The following PNPLA1 variants were observed in gnomAD, a reference collection of about 807,000 sequenced individuals.
PNPLA1 encodes patatin like domain 1, omega-hydroxyceramide transacylase, also known as omega-hydroxyceramide transacylase.
Under a neutral mutation model 51.7 loss-of-function variants are expected in PNPLA1, and 36 were observed. The ratio of observed to expected loss-of-function variants is 0.70; its 90% CI spans 0.53 to 0.92. PNPLA1 has a LOEUF of 0.92. Among genes scored for constraint, PNPLA1 ranks in the 40% least tolerant of loss-of-function variants. The probability of loss-of-function intolerance (pLI) is 0.00; values close to 1 mark genes in which losing one functional copy is unlikely to be tolerated. For missense variants in PNPLA1, 658 were observed against 682.5 expected (o/e 0.96, Z 0.40); for synonymous variants, 293 against 280.1 (o/e 1.05, Z -0.46).
intron 2 of PNPLA1, among the ~76,000 whole-genome samples, chr6:36,292,856 C>T (rs370202845): frequency 1.3e-5 from 2 of 152,322 alleles, no homozygotes; most frequent in South Asian, 2.1e-4. Flanking sequence ...ACATCAGGGC[C>T]AGATGGACCA....
intron 1 of PNPLA1, among the ~76,000 whole-genome samples, chr6:36,280,327 C>G (rs192783174): frequency 1.3e-5 from 2 of 152,152 alleles, no homozygotes; most frequent in East Asian, 3.8e-4. Context: ...TGTGTGGCCC[C>G]GGCAGTGGAA....
chr6:36,249,302 T>G (rs774757536), intron 1 of PNPLA1, among the ~76,000 whole-genome samples: 5 of 152,152 alleles, frequency 3.3e-5, no homozygotes, highest in Non-Finnish European at 7.3e-5. Context: ...CACTGGAGTT[T>G]CCATTGAGAT....
At chr6:36,246,965 C>T (rs940686316) in intron 1 of PNPLA1, among the ~76,000 whole-genome samples, 1 of 152,238 alleles carries the variant, frequency 6.6e-6, no homozygotes, top group Non-Finnish European at 1.5e-5. Flanking sequence ...CTGCTTTCCG[C>T]ACTCCCTGCG....
At chr6:36,297,727 G>A (rs1206440975) in intron 5 of PNPLA1, among the ~76,000 whole-genome samples, 1 of 152,214 alleles carries the variant, frequency 6.6e-6, no homozygotes, top group Admixed American at 6.5e-5. Flanking sequence ...TGGGTGCTGA[G>A]TGAGGTTGGA....
intron 1 of PNPLA1, among the ~76,000 whole-genome samples, chr6:36,278,043 G>GAA (rs1770166039): frequency 6.6e-6 from 1 of 152,122 alleles, no homozygotes; most frequent in South Asian, 2.1e-4. Context: ...ATGACCCTCT[G>GAA]CCCCCCTTTC....
At chr6:36,286,859 T>A (rs1770504498) in intron 1 of PNPLA1, among the ~76,000 whole-genome samples, 1 of 151,776 alleles carries the variant, frequency 6.6e-6, no homozygotes, top group Non-Finnish European at 1.5e-5. Flanking sequence ...AAATTTTTTT[T>A]TTTTTTGTAG....
At chr6:36,296,523 T>C (rs1184094422) in intron 5 of PNPLA1, among the ~76,000 whole-genome samples, 2 of 152,198 alleles carry the variant, frequency 1.3e-5, no homozygotes, top group Non-Finnish European at 2.9e-5. Context: ...TGTGGTAAAC[T>C]TTTTGTGTAT....
rs1771457515 is a variant in PNPLA1, at chr6:36,313,810, C to T, written c.*1924C>T. Among the ~76,000 whole-genome samples the T allele has an allele frequency of 3.3e-5, 5 of 152,342 alleles. No homozygotes were observed. Among genetic ancestry groups the T allele is most frequent in the Admixed American group, 3.3e-4 (5 of 15,314 alleles). The stretch of plus-strand genomic sequence containing the variant: ...GGAGAGTGTCCTCTCTTGCACAGCC[C>T]AGGAATGCTTGTTCCCTGGGACCCA... On this transcript the variant is annotated 3_prime_UTR_variant, in exon 9 of 9. Transcript: ENST00000636260.
chr6:36,297,179 A>G (rs1331365075), intron 5 of PNPLA1, among the ~76,000 whole-genome samples: 2 of 152,196 alleles, frequency 1.3e-5, no homozygotes, highest in African/African-American at 2.4e-5. Context: ...CACTCCAAGT[A>G]GGAACAGATA....
At position 36,306,354 on chromosome 6, in the gene PNPLA1, A is replaced by G; in HGVS notation, c.1447A>G (p.Thr483Ala). The G allele has an allele frequency of 1.2e-6, 2 of 1,612,946 alleles. No homozygotes were observed. The highest frequency in any genetic ancestry group is 1.7e-6 in the Non-Finnish European group (2 of 1,179,602). Residue 483 changes from threonine to alanine, a missense_variant, in exon 7 of 9, where the codon ACC becomes GCC. Transcript: ENST00000636260. Reference protein sequence around the residue: ...SAVPLVHVKETVSKPYVTESP... With the variant: ...SAVPLVHVKEAVSKPYVTESP... ...CGTGCCTCTGGTTCATGTGAAGGAA[A>G]CCGTCAGCAAGCCTTATGTAACGTA...
chr6:36,259,223 G>T (rs114787942), intron 1 of PNPLA1, among the ~76,000 whole-genome samples: 1 of 152,000 alleles, frequency 6.6e-6, no homozygotes, highest in Non-Finnish European at 1.5e-5. Context: ...AAAGACAAAG[G>T]GTCTTTCCTT....
intron 1 of PNPLA1, among the ~76,000 whole-genome samples, chr6:36,288,755 G>T (rs140098760): frequency 0.024 from 3,629 of 152,050 alleles, 71 homozygotes; most frequent in Non-Finnish European, 0.038. Flanking sequence ...ACCATGCCCG[G>T]CTGGAGACCC....
chr6:36,263,054 T>C (rs942401139), intron 1 of PNPLA1, among the ~76,000 whole-genome samples: 2 of 152,240 alleles, frequency 1.3e-5, no homozygotes, highest in Non-Finnish European at 2.9e-5. Context: ...AATGAATAGC[T>C]TAGGCTTGAT....
At chr6:36,305,445 C>A (rs1771200716) in intron 6 of PNPLA1, among the ~76,000 whole-genome samples, 1 of 152,158 alleles carries the variant, frequency 6.6e-6, no homozygotes, top group Admixed American at 6.5e-5. Flanking sequence ...TAGGGACATA[C>A]AACAAGTCTC....
intron 8 of PNPLA1, among the ~76,000 whole-genome samples, chr6:36,309,631 A>T (rs1214618988): frequency 6.6e-6 from 1 of 152,208 alleles, no homozygotes; most frequent in Non-Finnish European, 1.5e-5. Flanking sequence ...AGGCTGTGAT[A>T]AAAACAAACA....
chr6:36,274,953 C>T (rs1380357297), intron 1 of PNPLA1, among the ~76,000 whole-genome samples: 1 of 152,206 alleles, frequency 6.6e-6, no homozygotes, highest in East Asian at 1.9e-4. Context: ...ACCAGTTATG[C>T]ACAATGCACC....
Position 36,312,329 on chromosome 6 carries a change from C to A in PNPLA1, c.*443C>A, listed in dbSNP as rs1252930958. 1 of 152,184 alleles carries A rather than the reference C, an allele frequency of 6.6e-6. No homozygotes were observed. The highest frequency in any genetic ancestry group is 2.4e-5 in the African/African-American group (1 of 41,434). The allele number at this position is 152,184 out of a possible 1,614,324, so 9.4% of individuals were successfully genotyped here. On this transcript the variant is annotated 3_prime_UTR_variant, in exon 9 of 9. Transcript: ENST00000636260. Reference sequence around the variant, plus strand: ...ATACATGGAATGATGTTTCAAACACCCTTTTATCACCTCCCACTGGAGATT... The same window carrying A: ...ATACATGGAATGATGTTTCAAACACACTTTTATCACCTCCCACTGGAGATT...
Position 36,293,132 on chromosome 6 carries a change from T to G in PNPLA1, c.504+6T>G, listed in dbSNP as rs1770742842. ...CCCCGACTTACCGCGGTGTGGTGAG[T>G]GCTTCGGCATGGTGAGGGGTGAGAT... is the stretch of plus-strand genomic sequence containing the variant. On this transcript the variant is annotated splice_donor_region_variant and intron_variant, in intron 3 of 8. Transcript: ENST00000636260. 6.2e-7 allele frequency: 1 copy of G among 1,613,432 alleles called. No individual in the cohort carries two copies. The highest frequency in any genetic ancestry group is 1.1e-5 in the South Asian group (1 of 91,070).
chr6:36,302,610 T>C (rs1771099310), intron 6 of PNPLA1, 141 bp downstream of exon 6: 2 of 1,175,964 alleles, frequency 1.7e-6, no homozygotes, highest in South Asian at 1.6e-5. Context: ...CTGTCCATTA[T>C]GAGGACAGTC....
Sources: gnomAD v4.1 joint callset for allele counts (sites outside exome capture counted in the v4.1 genomes callset) on GRCh38, gnomAD v4.1.1 for gene constraint, MANE v1.5 for transcripts, NCBI Gene and HGNC (gene_info 2026-07-23, HGNC 2026-07-21) for gene names.